AFF2: variants seen among roughly 807,000 people sequenced by gnomAD.
The protein encoded by AFF2 is AF4/FMR2 family member 2.
AFF2 carries 14 observed loss-of-function variants against 76.9 expected under a neutral mutation model. The observed-to-expected ratio is 0.18, with a 90% CI of 0.12 to 0.28. The LOEUF (loss-of-function observed/expected upper bound fraction) is 0.28. Among genes scored for constraint, AFF2 ranks in the 10% least tolerant of loss-of-function variants. The pLI, the probability that AFF2 is intolerant of heterozygous loss-of-function variation, is 1.00. For synonymous variants in AFF2, 398 were observed against 366.7 expected, an observed-to-expected ratio of 1.09 and a Z score of -0.98; for missense variants, 868 against 1,001.1, an observed-to-expected ratio of 0.87 and a Z score of 1.79.
At chrX:148,665,243 C>T (rs782399520) in intron 3 of AFF2, among the ~76,000 whole-genome samples, 3 of 112,042 alleles carry the variant, frequency 2.7e-5, no homozygotes, top group East Asian at 2.8e-4. Flanking sequence ...TGCTTTCACT[C>T]AGTGCTCTGG....
At chrX:148,681,695 GAAAGAAAGAAAGAAAAC>G (rs1375625409) in intron 3 of AFF2, among the ~76,000 whole-genome samples, 1 of 108,395 alleles carries the variant, frequency 9.2e-6, no homozygotes, top group African/African-American at 3.4e-5. Context: ...AAGAAAAAGA[GAAAGAAAGAAAGAAAAC>G]AAAGAAAGAA....
At chrX:148,776,928 C>T (rs2069675075) in intron 3 of AFF2, among the ~76,000 whole-genome samples, 1 of 112,012 alleles carries the variant, frequency 8.9e-6, no homozygotes, top group Admixed American at 9.4e-5. Context: ...AAAGTCTTTG[C>T]CCATGCCTCT....
chrX:148,805,874 A>G (rs2070124840), intron 3 of AFF2, among the ~76,000 whole-genome samples: 1 of 112,423 alleles, frequency 8.9e-6, no homozygotes, highest in Non-Finnish European at 1.9e-5. Context: ...GCCCAGCACA[A>G]GAGGGTCGTC....
At chrX:148,654,165 G>C (rs1469479152) in intron 2 of AFF2, among the ~76,000 whole-genome samples, 2 of 111,858 alleles carry the variant, frequency 1.8e-5, no homozygotes. Context: ...TGATCAGAGT[G>C]ATAGGAAGAG....
chrX:148,837,570 C>A lies in AFF2; in HGVS notation c.1087-77C>A, dbSNP rs981446759. ...AGTTAAGTTAGTATTTATAAAGGAC[C>A]TACACTGTTTAGTGCTAAGAAAGGG... On this transcript the variant is annotated intron_variant, in intron 4 of 20. Transcript: ENST00000370460. 4.3e-5 allele frequency: 25 copies of A among 584,005 alleles called. No homozygotes were observed. In the African/African-American group the frequency reaches 5.4e-4, roughly 13 times the overall value. 48.1% of individuals were successfully genotyped at this position (584,005 alleles called of 1,213,427 possible).
At chrX:148,866,121 G>A (rs1182805677) in intron 7 of AFF2, among the ~76,000 whole-genome samples, 2 of 111,537 alleles carry the variant, frequency 1.8e-5, no homozygotes, top group African/African-American at 6.5e-5. Flanking sequence ...CCAGGATAAG[G>A]GGAGAGCAAT....
At chrX:148,766,391 G>A (rs1372838887) in intron 3 of AFF2, among the ~76,000 whole-genome samples, 4 of 109,664 alleles carry the variant, frequency 3.6e-5, no homozygotes, top group Admixed American at 1.9e-4. Flanking sequence ...TTTAATGATC[G>A]CCATTCTAAC....
intron 3 of AFF2, among the ~76,000 whole-genome samples, chrX:148,803,556 T>G (rs1197069233): frequency 3.6e-5 from 4 of 111,953 alleles, no homozygotes; most frequent in Non-Finnish European, 5.6e-5. Context: ...ATGTTTACCT[T>G]GTTTTTGTCG....
intron 3 of AFF2, among the ~76,000 whole-genome samples, chrX:148,684,144 C>T (rs1172144904): frequency 8.9e-6 from 1 of 112,015 alleles, no homozygotes; most frequent in African/African-American, 3.2e-5. Context: ...ATGGAGGCTA[C>T]TTTTAATAAG....
intron 3 of AFF2, among the ~76,000 whole-genome samples, chrX:148,792,582 T>C (rs1457886379): frequency 8.9e-6 from 1 of 112,981 alleles, no homozygotes; most frequent in African/African-American, 3.2e-5. Flanking sequence ...CTATTAATCA[T>C]TCAGTTGGGA....
chrX:148,666,226 A>C (rs1245506224), intron 3 of AFF2, among the ~76,000 whole-genome samples: 3 of 112,188 alleles, frequency 2.7e-5, no homozygotes, highest in African/African-American at 9.7e-5. Context: ...TAGAAGTATA[A>C]CCAACTTTAT....
At chrX:148,925,757 T>C (rs1258120338) in intron 9 of AFF2, among the ~76,000 whole-genome samples, 1 of 111,524 alleles carries the variant, frequency 9.0e-6, no homozygotes, top group African/African-American at 3.3e-5. Flanking sequence ...GTGATGGAGA[T>C]TAAATGAGGT....
intron 9 of AFF2, among the ~76,000 whole-genome samples, chrX:148,946,310 G>T (rs782751192): frequency 8.9e-6 from 1 of 112,283 alleles, no homozygotes; most frequent in East Asian, 2.8e-4. Context: ...AGCCATCAAG[G>T]TTCCCTTCCC....
At chrX:148,745,158 T>G (rs1289125115) in intron 3 of AFF2, among the ~76,000 whole-genome samples, 1 of 112,033 alleles carries the variant, frequency 8.9e-6, no homozygotes, top group Non-Finnish European at 1.9e-5. Context: ...CTCCTAGGTT[T>G]CCATGTTCCT....
chrX:148,823,626 A>C (rs896408503), intron 4 of AFF2, among the ~76,000 whole-genome samples: 4 of 111,415 alleles, frequency 3.6e-5, no homozygotes, highest in East Asian at 5.7e-4. Context: ...ATCATAAAAT[A>C]AAATCAAATA....
intron 1 of AFF2, among the ~76,000 whole-genome samples, chrX:148,552,351 C>T (rs1157437782): frequency 8.9e-6 from 1 of 111,752 alleles, no homozygotes; most frequent in African/African-American, 3.3e-5. Flanking sequence ...TGTGTCAACT[C>T]TGACTTGATG....
At chrX:148,864,138 A>G (rs1272187084) in intron 7 of AFF2, among the ~76,000 whole-genome samples, 4 of 111,850 alleles carry the variant, frequency 3.6e-5, no homozygotes, top group Non-Finnish European at 7.5e-5. Flanking sequence ...TTTAACTCAA[A>G]GAGAAGTGGC....
intron 3 of AFF2, among the ~76,000 whole-genome samples, chrX:148,786,365 G>C (rs1206182147): frequency 1.8e-5 from 2 of 111,614 alleles, no homozygotes; most frequent in Non-Finnish European, 3.8e-5. Context: ...TAATTTGCTA[G>C]GGCTGCCATA....
intron 3 of AFF2, among the ~76,000 whole-genome samples, chrX:148,747,695 A>G (rs370001209): frequency 8.0e-5 from 9 of 111,807 alleles, no homozygotes; most frequent in African/African-American, 2.9e-4. Context: ...GAAATCTTTT[A>G]GACTCTCAAA....
Sources: allele counts gnomAD v4.1 joint callset (sites outside exome capture counted in the v4.1 genomes callset), GRCh38; gene constraint gnomAD v4.1.1; transcripts MANE v1.5; gene names NCBI Gene and HGNC (gene_info 2026-07-23, HGNC 2026-07-21).